GRK3: variants seen among roughly 807,000 people sequenced by gnomAD.
GRK3 encodes adrenergic, beta, receptor kinase 2.
A neutral mutation model predicts 95.7 loss-of-function variants in GRK3; 54 were observed. The observed-to-expected ratio is 0.56, with a 90% CI of 0.45 to 0.71. GRK3 has a LOEUF of 0.71. Among genes scored for constraint, GRK3 ranks in the 30% least tolerant of loss-of-function variants. GRK3 has a pLI of 0.00. For missense variants in GRK3, 649 were observed against 851.2 expected, an observed-to-expected ratio of 0.76 and a Z score of 2.96; for synonymous variants, 281 against 290.8, an observed-to-expected ratio of 0.97 and a Z score of 0.34.
intron 2 of GRK3, among the ~76,000 whole-genome samples, chr22:25,629,718 C>A (rs1281932495): frequency 6.6e-6 from 1 of 152,094 alleles, no homozygotes; most frequent in Non-Finnish European, 1.5e-5. Context: ...TATCCAACAT[C>A]CTCTGCAACA....
intron 9 of GRK3, 135 bp from the exon 10 acceptor site, chr22:25,685,035 C>T: frequency 1.6e-6 from 1 of 624,694 alleles, no homozygotes; most frequent in East Asian, 2.8e-5. Flanking sequence ...AACTGTACAC[C>T]ATAAATATGT....
chr22:25,640,491 A>T (rs1346093855), intron 2 of GRK3, among the ~76,000 whole-genome samples: 1 of 152,244 alleles, frequency 6.6e-6, no homozygotes, highest in Non-Finnish European at 1.5e-5. Flanking sequence ...AATGTTTTGT[A>T]GAATTAGTCA....
intron 19 of GRK3, among the ~76,000 whole-genome samples, chr22:25,720,112 G>A (rs1192162520): frequency 1.3e-5 from 2 of 152,094 alleles, no homozygotes; most frequent in Non-Finnish European, 2.9e-5. Flanking sequence ...GGTAATGAGC[G>A]GACCTGGGCA....
At chr22:25,588,008 A>T (rs1187605182) in intron 1 of GRK3, among the ~76,000 whole-genome samples, 1 of 152,214 alleles carries the variant, frequency 6.6e-6, no homozygotes, top group African/African-American at 2.4e-5. Flanking sequence ...CATGTTGCCC[A>T]GGCTGGTCTC....
At chr22:25,718,919 A>G (rs571003952) in intron 19 of GRK3, among the ~76,000 whole-genome samples, 1 of 152,312 alleles carries the variant, frequency 6.6e-6, no homozygotes, top group Admixed American at 6.5e-5. Context: ...AACAATAAAA[A>G]CTAATACAGA....
rs530292587 is a variant in GRK3, at chr22:25,664,585, A to G, written c.441+881A>G. Among the ~76,000 whole-genome samples the G allele has an allele frequency of 1.2e-4, 16 of 130,034 alleles. No homozygotes were observed. In the Admixed American group the frequency reaches 1.5e-3, roughly 12 times the overall value. 85.3% of individuals were successfully genotyped at this position (130,034 alleles called of 152,430 possible). A position where few individuals can be genotyped will look rare whatever the true frequency, so the allele number is the denominator to read the frequency against. ...GCCCAGGCTGGAGTGCAGTGGTGCTATCTCTGCTCATTGCAACCTCCGCCT... is the reference window on the plus strand; with the variant it reads ...GCCCAGGCTGGAGTGCAGTGGTGCTGTCTCTGCTCATTGCAACCTCCGCCT... On this transcript the variant is annotated intron_variant, in intron 5 of 20. Coordinates refer to ENST00000324198, the MANE Select transcript of GRK3 (RefSeq NM_005160.4).
chr22:25,663,977 C>T (rs1199364550), intron 5 of GRK3, among the ~76,000 whole-genome samples: 2 of 152,200 alleles, frequency 1.3e-5, no homozygotes, highest in Non-Finnish European at 2.9e-5. Flanking sequence ...CAAGATAAGA[C>T]ATCAGAGAAG....
chr22:25,722,581 T>A lies in GRK3; in HGVS notation c.*131T>A, dbSNP rs570426227. On this transcript the variant is annotated 3_prime_UTR_variant, in exon 21 of 21. Transcript: ENST00000324198. Reference sequence around the variant, plus strand: ...GGCTCCCGAGAGGAGTCGGGACCCTTCGGCTTGGGGTCAGCTCAGCTCCCT... The same window carrying A: ...GGCTCCCGAGAGGAGTCGGGACCCTACGGCTTGGGGTCAGCTCAGCTCCCT... The A allele has an allele frequency of 8.4e-4, 759 of 900,112 alleles. No individual in the cohort carries two copies. The highest frequency in any genetic ancestry group is 1.0e-3 in the Non-Finnish European group (626 of 607,124). 55.8% of individuals were successfully genotyped at this position (900,112 alleles called of 1,614,324 possible).
chr22:25,685,398 C>A, intron 10 of GRK3, 150 bp downstream of exon 10: 1 of 635,604 alleles, frequency 1.6e-6, no homozygotes, highest in Non-Finnish European at 2.8e-6. Context: ...ACCCTTTAAT[C>A]TTCACTGAAA....
At chr22:25,576,947 G>A (rs1931923196) in intron 1 of GRK3, among the ~76,000 whole-genome samples, 2 of 152,164 alleles carry the variant, frequency 1.3e-5, no homozygotes, top group Admixed American at 6.5e-5. Flanking sequence ...AAGAAAAGAT[G>A]TCATAGATTC....
intron 3 of GRK3, among the ~76,000 whole-genome samples, chr22:25,656,042 C>T (rs1238088873): frequency 2.0e-5 from 3 of 152,166 alleles, no homozygotes; most frequent in South Asian, 4.1e-4. Context: ...TTTTCTCTAC[C>T]TGGGTTTCCT....
intron 3 of GRK3, among the ~76,000 whole-genome samples, chr22:25,650,072 A>G (rs568752586): frequency 6.6e-6 from 1 of 150,824 alleles, no homozygotes; most frequent in East Asian, 1.9e-4. Flanking sequence ...GTTCACTGCA[A>G]CCTCTGCCTC....
intron 1 of GRK3, among the ~76,000 whole-genome samples, chr22:25,589,945 C>CT (rs571296741): frequency 7.9e-5 from 12 of 152,270 alleles, no homozygotes; most frequent in Non-Finnish European, 1.3e-4. Context: ...GACTAATTCA[C>CT]TATCATGAAA....
intron 17 of GRK3, 128 bp from the exon 18 acceptor site, chr22:25,714,280 A>T: frequency 2.8e-6 from 2 of 710,122 alleles, no homozygotes; most frequent in Non-Finnish European, 4.5e-6. Flanking sequence ...CCTCGAAATG[A>T]TTACTGCTGC....
intron 15 of GRK3, among the ~76,000 whole-genome samples, chr22:25,704,923 T>C (rs1601539918): frequency 6.6e-6 from 1 of 152,286 alleles, no homozygotes; most frequent in East Asian, 1.9e-4. Flanking sequence ...TGAACAGTAA[T>C]ATCTGGAAAG....
intron 1 of GRK3, among the ~76,000 whole-genome samples, chr22:25,589,534 A>G (rs1818226791): frequency 6.6e-6 from 1 of 152,218 alleles, no homozygotes; most frequent in Non-Finnish European, 1.5e-5. Flanking sequence ...AGCAGTATAC[A>G]GTGTATGATA....
chr22:25,714,756 CA>C (rs1415607386), intron 18 of GRK3, among the ~76,000 whole-genome samples, 186 bp downstream of exon 18: 2 of 152,196 alleles, frequency 1.3e-5, no homozygotes, highest in African/African-American at 4.8e-5. Flanking sequence ...TCAGGCAGCA[CA>C]CAAATAAGTC....
chr22:25,638,266 C>G lies in GRK3; in HGVS notation c.191-6326C>G, dbSNP rs192412006. On this transcript the variant is annotated intron_variant, in intron 2 of 20. Transcript: ENST00000324198. Reference sequence around the variant, plus strand: ...TCTTCGATGTCTTGCAACTTAAATACCATCATGTAAAGTTAACAATATTTA... The same window carrying G: ...TCTTCGATGTCTTGCAACTTAAATAGCATCATGTAAAGTTAACAATATTTA... 2.3e-3 allele frequency among the ~76,000 whole-genome samples: 343 copies of G among 152,300 alleles called. 5 individuals are homozygous for G. In the Middle Eastern group the frequency reaches 0.027, roughly 12 times the overall value.
chr22:25,592,837 C>A (rs755255598), intron 1 of GRK3, among the ~76,000 whole-genome samples: 18 of 147,852 alleles, frequency 1.2e-4, no homozygotes, highest in Non-Finnish European at 2.7e-4. Context: ...GTATCCAAAT[C>A]CAGCAGCACA....
Sources: allele counts gnomAD v4.1 joint callset (sites outside exome capture counted in the v4.1 genomes callset), GRCh38; gene constraint gnomAD v4.1.1; transcripts MANE v1.5; gene names NCBI Gene and HGNC (gene_info 2026-07-23, HGNC 2026-07-21).